Variants in ZFR2 observed in about 807,000 individuals in gnomAD.
ZFR2 encodes the protein zinc finger RNA binding protein 2, also known as zinc finger RNA-binding protein 2.
Under a neutral mutation model 105.7 loss-of-function variants are expected in ZFR2, and 104 were observed. The observed-to-expected ratio is 0.98, with a 90% CI of 0.84 to 1.16. ZFR2 has a LOEUF of 1.16. Among genes scored for constraint, ZFR2 ranks in the 50% most tolerant of loss-of-function variants. ZFR2 has a pLI of 0.00. For synonymous variants in ZFR2, 634 were observed against 597.7 expected (o/e 1.06, Z -0.89); for missense variants, 1,425 against 1,355.5 (o/e 1.05, Z -0.80).
intron 2 of ZFR2, 55 bp from the exon 3 acceptor site, chr19:3,833,833 CG>C: frequency 2.1e-6 from 3 of 1,410,226 alleles, no homozygotes; most frequent in Non-Finnish European, 2.9e-6. Flanking sequence ...GCAGCTCAGG[CG>C]GTGGGTGCGA....
intron 16 of ZFR2, among the ~76,000 whole-genome samples, chr19:3,809,465 C>G (rs999524244): frequency 1.3e-5 from 2 of 152,154 alleles, no homozygotes; most frequent in Admixed American, 1.3e-4. Context: ...TTCCCGAGGG[C>G]ACGAGGGGAC....
chr19:3,838,676 C>T lies in ZFR2; in HGVS notation c.54-3693G>A, dbSNP rs552408768. Among the ~76,000 whole-genome samples the T allele has an allele frequency of 1.9e-4, 29 of 152,324 alleles. No individual in the cohort carries two copies. In the East Asian group the frequency reaches 2.1e-3, roughly 11 times the overall value. On this transcript the variant is annotated intron_variant, in intron 1 of 18. Coordinates refer to ENST00000262961, the MANE Select transcript of ZFR2 (RefSeq NM_015174.2). The surrounding 1 kb of genome is among the most constrained non-coding windows in gnomAD (Gnocchi z 4.9). ...CCCCCGTGTCTATGGCTCCCGTCCCCGCTGCCTGCAAGTGGCTGCTCAGTG... is the reference window on the plus strand; with the variant it reads ...CCCCCGTGTCTATGGCTCCCGTCCCTGCTGCCTGCAAGTGGCTGCTCAGTG...
chr19:3,850,544 G>A (rs936505200), intron 1 of ZFR2, among the ~76,000 whole-genome samples: 15 of 152,100 alleles, frequency 9.9e-5, no homozygotes, highest in African/African-American at 1.9e-4. Context: ...GTTATATGAC[G>A]TCATCAGGTG....
At chr19:3,826,769 C>T (rs1254294488) in intron 6 of ZFR2, among the ~76,000 whole-genome samples, 1 of 152,042 alleles carries the variant, frequency 6.6e-6, no homozygotes, top group Non-Finnish European at 1.5e-5. Context: ...CTCAGGAGAA[C>T]AGTGATACTA....
At chr19:3,829,695 T>C (rs372327601) in intron 5 of ZFR2, among the ~76,000 whole-genome samples, 2 of 152,106 alleles carry the variant, frequency 1.3e-5, no homozygotes, top group African/African-American at 2.4e-5. Context: ...AAATTTTTTT[T>C]AGAGACAGGG....
At chr19:3,816,893 G>A (rs1033687629) in intron 12 of ZFR2, 48 bp from the exon 13 acceptor site, 23 of 1,501,370 alleles carry the variant, frequency 1.5e-5, no homozygotes, top group Non-Finnish European at 2.1e-5. Flanking sequence ...AGAGACGCGG[G>A]GTACCCCAGC....
At chr19:3,852,595 G>A (rs181290764) in intron 1 of ZFR2, 4 of 718,616 alleles carry the variant, frequency 5.6e-6, no homozygotes, top group Admixed American at 4.0e-5. Flanking sequence ...AGGGCCGGGG[G>A]AGTGGTCTCC....
At chr19:3,816,894 G>T (rs746369602) in intron 12 of ZFR2, 49 bp from the exon 13 acceptor site, 2 of 1,498,008 alleles carry the variant, frequency 1.3e-6, no homozygotes, top group African/African-American at 1.4e-5. Flanking sequence ...GAGACGCGGG[G>T]TACCCCAGCT....
intron 14 of ZFR2, 28 bp from the exon 15 acceptor site, chr19:3,811,394 C>A (rs755646498): frequency 3.2e-6 from 5 of 1,549,990 alleles, no homozygotes; most frequent in Non-Finnish European, 4.4e-6. Flanking sequence ...TCGAGGTGTG[C>A]GGGGAAGGTG....
Position 3,834,216 on chromosome 19 carries a change from G to A in ZFR2, c.265-438C>T, listed in dbSNP as rs117373497. ...GGACGAGGTGCGGGTGGCAGAGCTG[G>A]GAAATTGGAGCATGGTCACGGGGGA... On this transcript the variant is annotated intron_variant, in intron 2 of 18. Coordinates refer to ENST00000262961, the MANE Select transcript of ZFR2 (RefSeq NM_015174.2). The surrounding 1 kb of genome is among the most constrained non-coding windows in gnomAD (Gnocchi z 5.3). Among the ~76,000 whole-genome samples the A allele has an allele frequency of 0.011, 1,749 of 152,258 alleles. 16 individuals carry two copies. The highest frequency in any genetic ancestry group is 0.027 in the Middle Eastern group (8 of 294).
chr19:3,809,005 T>C, intron 16 of ZFR2, 22 bp from the exon 17 acceptor site: 5 of 1,520,646 alleles, frequency 3.3e-6, no homozygotes, highest in Non-Finnish European at 4.4e-6. Context: ...AGAAGAGCAG[T>C]TGCTGTGTTT....
intron 11 of ZFR2, 77 bp from the exon 12 acceptor site, chr19:3,819,312 G>A (rs2037863804): frequency 3.3e-6 from 3 of 907,370 alleles, no homozygotes; most frequent in African/African-American, 2.0e-5. Context: ...GGCAGGTGGG[G>A]GCAGGTGGCC....
intron 18 of ZFR2, among the ~76,000 whole-genome samples, 172 bp downstream of exon 18, chr19:3,807,000 G>T (rs116467818): frequency 0.016 from 2,468 of 152,304 alleles, 75 homozygotes; most frequent in African/African-American, 0.055. Flanking sequence ...ACCATGCCAG[G>T]CTGGCCCTGT....
chr19:3,867,472 G>T (rs559606865), intron 1 of ZFR2, among the ~76,000 whole-genome samples: 1 of 152,076 alleles, frequency 6.6e-6, no homozygotes, highest in African/African-American at 2.4e-5. Context: ...AACTTACCCC[G>T]TGTGTGTCCC....
At chr19:3,807,799 TGCAA>T (rs763676757) in intron 17 of ZFR2, among the ~76,000 whole-genome samples, 32 of 150,090 alleles carry the variant, frequency 2.1e-4, no homozygotes, top group African/African-American at 3.0e-4. Flanking sequence ...CGCCTGTGTG[TGCAA>T]GCATGTCCAC....
chr19:3,846,003 GTC>G (rs1186671468), intron 1 of ZFR2, among the ~76,000 whole-genome samples: 1 of 152,190 alleles, frequency 6.6e-6, no homozygotes, highest in South Asian at 2.1e-4. Context: ...CTGAAACGGA[GTC>G]TTGCTCTGTC....
At chr19:3,818,482 C>A (rs1029903914) in intron 12 of ZFR2, among the ~76,000 whole-genome samples, 24 of 151,924 alleles carry the variant, frequency 1.6e-4, no homozygotes, top group African/African-American at 5.8e-4. Flanking sequence ...ACAAAACAAA[C>A]AAAAAAACAA....
rs950074683 is a variant in ZFR2, at chr19:3,838,442, C to T, written c.54-3459G>A. 9.2e-5 allele frequency among the ~76,000 whole-genome samples: 14 copies of T among 152,172 alleles called. No homozygotes were observed. Among genetic ancestry groups the T allele is most frequent in the Admixed American group, 7.2e-4 (11 of 15,276 alleles). ...AGAGAGGAAGGTGGAAGGTTCCATA[C>T]GGGAGCTGGGGCAGAGCAGAGCTGG... is the stretch of plus-strand genomic sequence containing the variant. On this transcript the variant is annotated intron_variant, in intron 1 of 18. Coordinates refer to ENST00000262961, the MANE Select transcript of ZFR2 (RefSeq NM_015174.2). This position sits in a 1 kb window ranked among gnomAD's most constrained non-coding sequence, Gnocchi z 4.9.
intron 1 of ZFR2, among the ~76,000 whole-genome samples, chr19:3,863,300 C>T (rs915179052): frequency 6.6e-6 from 1 of 152,192 alleles, no homozygotes; most frequent in Admixed American, 6.5e-5. Context: ...GCATGGGCTC[C>T]GGGCCTTTTT....
Sources: gnomAD v4.1 joint callset for allele counts (sites outside exome capture counted in the v4.1 genomes callset) on GRCh38, gnomAD v4.1.1 for gene constraint, Gnocchi (gnomAD v3.1) non-coding constraint, MANE v1.5 for transcripts, NCBI Gene and HGNC (gene_info 2026-07-23, HGNC 2026-07-21) for gene names.